Variants in IGFL2 observed in about 807,000 individuals in gnomAD.
The protein encoded by IGFL2 is IGF like family member 2.
IGFL2 carries 7 observed loss-of-function variants against 13.9 expected under a neutral mutation model. That is an observed-to-expected ratio of 0.51 (90% CI 0.29 to 0.95). The LOEUF (loss-of-function observed/expected upper bound fraction) is 0.95. Among genes scored for constraint, IGFL2 ranks in the 40% least tolerant of loss-of-function variants. The probability of loss-of-function intolerance (pLI) is 0.08; values close to 1 mark genes in which losing one functional copy is unlikely to be tolerated. For synonymous variants in IGFL2, 55 were observed against 55.8 expected (o/e 0.99, Z 0.07); for missense variants, 138 against 147.8 (o/e 0.93, Z 0.34).
At chr19:46,115,702 A>G in the IGFL2 span, among the ~76,000 whole-genome samples, 1,152 of 152,306 alleles carry the variant, frequency 7.6e-3, 7 homozygotes, top group Non-Finnish European at 0.013. Context: ...GCCAATACAG[A>G]AAATTAATGT....
At chr19:46,109,110 C>T in the IGFL2 span, among the ~76,000 whole-genome samples, 2 of 150,364 alleles carry the variant, frequency 1.3e-5, no homozygotes, top group Admixed American at 6.6e-5. Flanking sequence ...ATGAAGAGAC[C>T]ACCAAACAGG....
the IGFL2 span, among the ~76,000 whole-genome samples, chr19:46,169,013 A>G: frequency 1.3e-5 from 2 of 151,856 alleles, no homozygotes; most frequent in Admixed American, 6.6e-5. Flanking sequence ...TGGTTGCTAT[A>G]TCCAACATAG....
the IGFL2 span, among the ~76,000 whole-genome samples, chr19:46,203,829 A>G: frequency 6.6e-6 from 1 of 152,046 alleles, no homozygotes; most frequent in Admixed American, 6.6e-5. Flanking sequence ...CAATTCTGCT[A>G]TCTCAGCCTC....
At chr19:46,130,374 T>C in the IGFL2 span, among the ~76,000 whole-genome samples, 8 of 152,186 alleles carry the variant, frequency 5.3e-5, no homozygotes, top group African/African-American at 1.9e-4. Context: ...TGAAACAGCC[T>C]TTTTCATTAT....
At chr19:46,159,202 A>G (rs1459855265) in intron 1 of IGFL2, 2 of 152,250 alleles carry the variant, frequency 1.3e-5, no homozygotes, top group Admixed American at 1.3e-4. Flanking sequence ...ATATGACTCC[A>G]AATAGTTCTC....
the IGFL2 span, among the ~76,000 whole-genome samples, chr19:46,173,221 C>A: frequency 2.0e-5 from 3 of 152,218 alleles, no homozygotes; most frequent in African/African-American, 7.2e-5. Context: ...GTCCCCAACA[C>A]CACTGTTCCT....
chr19:46,170,546 A>G, the IGFL2 span, among the ~76,000 whole-genome samples: 2 of 152,224 alleles, frequency 1.3e-5, no homozygotes, highest in Admixed American at 6.5e-5. Flanking sequence ...AGATAACCTT[A>G]AAGTCTGGCT....
At chr19:46,143,064 G>A (rs1010353265), upstream of IGFL2, 11 of 152,164 alleles carry the variant, frequency 7.2e-5, no homozygotes, top group African/African-American at 2.7e-4. Context: ...GAACAACACA[G>A]GCTTGAACTA....
the IGFL2 span, chr19:46,197,131 C>G: frequency 1.3e-5 from 3 of 226,026 alleles, no homozygotes; most frequent in East Asian, 3.3e-4. Flanking sequence ...CCATCCTGCC[C>G]TCGGATGGGA....
In IGFL2 at chr19:46,160,339, T is replaced by A. The variant is rs372150340; in HGVS notation, c.20-76T>A. The A allele has an allele frequency of 6.0e-6, 8 of 1,334,364 alleles. No individual in the cohort carries two copies. In the South Asian group the frequency reaches 6.2e-5, roughly 10 times the overall value. 82.7% of individuals were successfully genotyped at this position (1,334,364 alleles called of 1,614,324 possible). ...ATCTGGAACTAAGCCTTCCCCACCC[T>A]GGCCTGCCCTCCCTGAGATCAACCT... On this transcript the variant is annotated intron_variant, in intron 1 of 3. Transcript: ENST00000377693.
At chr19:46,078,608 G>C in the IGFL2 span, among the ~76,000 whole-genome samples, 1 of 152,188 alleles carries the variant, frequency 6.6e-6, no homozygotes, top group African/African-American at 2.4e-5. Flanking sequence ...TTTTGTAGGG[G>C]TTATAACAGC....
the IGFL2 span, chr19:46,212,145 C>T: frequency 6.6e-6 from 1 of 152,108 alleles, no homozygotes; most frequent in African/African-American, 2.4e-5. Flanking sequence ...TGGAAAACAA[C>T]ACTCTACCCC....
At chr19:46,126,944 A>C in the IGFL2 span, among the ~76,000 whole-genome samples, 4 of 152,190 alleles carry the variant, frequency 2.6e-5, no homozygotes, top group Non-Finnish European at 5.9e-5. Context: ...ATATATGTAC[A>C]TCTCTGAGTG....
At chr19:46,211,644 C>T in the IGFL2 span, 1 of 152,230 alleles carries the variant, frequency 6.6e-6, no homozygotes, top group African/African-American at 2.4e-5. Context: ...GTTCTCTCAC[C>T]CCGCTTCCTG....
At chr19:46,184,547 C>T in the IGFL2 span, among the ~76,000 whole-genome samples, 1 of 152,124 alleles carries the variant, frequency 6.6e-6, no homozygotes, top group Non-Finnish European at 1.5e-5. Context: ...TGTTAGTTTG[C>T]TGAGAATGAT....
In IGFL2 at chr19:46,153,034, G is replaced by A. The variant is rs184503070; in HGVS notation, c.19+4737G>A. Among the ~76,000 whole-genome samples, 884 of 152,226 alleles carry A rather than the reference G, an allele frequency of 5.8e-3. 8 individuals carry two copies. The highest frequency in any genetic ancestry group is 0.017 in the Middle Eastern group (5 of 294). On this transcript the variant is annotated intron_variant, in intron 1 of 3. Coordinates refer to ENST00000377693, the MANE Select transcript of IGFL2 (RefSeq NM_001135113.2). ...TGGGATAAATCCACTTGGTCATGGCGTATCGTTCTTTATATATGCTGCTGG... is the reference window on the plus strand; with the variant it reads ...TGGGATAAATCCACTTGGTCATGGCATATCGTTCTTTATATATGCTGCTGG...
At chr19:46,166,145 G>A (rs773238474), downstream of IGFL2, among the ~76,000 whole-genome samples, 4 of 152,226 alleles carry the variant, frequency 2.6e-5, no homozygotes, top group Non-Finnish European at 4.4e-5. Flanking sequence ...TAACAAAGAG[G>A]ACATTAAGAA....
chr19:46,118,752 C>T, the IGFL2 span, among the ~76,000 whole-genome samples: 3 of 152,180 alleles, frequency 2.0e-5, no homozygotes, highest in African/African-American at 7.2e-5. Context: ...TACTGCCTCC[C>T]TGCTGAAGGC....
the IGFL2 span, among the ~76,000 whole-genome samples, chr19:46,132,024 T>C: frequency 7.9e-4 from 120 of 152,306 alleles, 1 homozygote; most frequent in Middle Eastern, 0.017. Flanking sequence ...GAAATGTATA[T>C]GATTTTACAT....
Sources: allele counts gnomAD v4.1 joint callset (sites outside exome capture counted in the v4.1 genomes callset), GRCh38; gene constraint gnomAD v4.1.1; transcripts MANE v1.5; gene names NCBI Gene and HGNC (gene_info 2026-07-23, HGNC 2026-07-21).